KIAA0319: variants seen among roughly 807,000 people sequenced by gnomAD.
KIAA0319 encodes the protein dyslexia-associated protein KIAA0319.
KIAA0319 carries 83 observed loss-of-function variants against 108.4 expected under a neutral mutation model. The observed-to-expected ratio is 0.77, with a 90% CI of 0.64 to 0.92. The LOEUF (loss-of-function observed/expected upper bound fraction) is 0.92, where lower values mean the gene tolerates loss of function less well. KIAA0319 is among the 40% of genes least tolerant of loss of function. The probability of loss-of-function intolerance (pLI) is 0.00; values close to 1 mark genes in which losing one functional copy is unlikely to be tolerated. For missense variants in KIAA0319, 1,195 were observed against 1,322.4 expected (o/e 0.90, Z 1.49); for synonymous variants, 484 against 510.4 (o/e 0.95, Z 0.70).
chr6:24,628,070 T>C (rs1005750216), intron 1 of KIAA0319, among the ~76,000 whole-genome samples: 9 of 152,186 alleles, frequency 5.9e-5, no homozygotes, highest in Non-Finnish European at 1.2e-4. Context: ...CAAGCACACG[T>C]AGTGCTGGAA....
rs925334510 is a variant in KIAA0319 at position 24,646,141 on chromosome 6, A to C, written c.-511T>G. 6.6e-6 allele frequency: 1 copy of C among 152,036 alleles called. No homozygotes were observed. Among genetic ancestry groups the C allele is most frequent in the African/African-American group, 2.4e-5 (1 of 41,368 alleles). The allele number at this position is 152,036 out of a possible 1,614,324, so 9.4% of individuals were successfully genotyped here. A position where few individuals can be genotyped will look rare whatever the true frequency, so the allele number is the denominator to read the frequency against. On this transcript the variant is annotated 5_prime_UTR_variant, in exon 1 of 21. Transcript: ENST00000378214. The stretch of plus-strand genomic sequence containing the variant: ...TTGCACCCCCGGGGGATCCCCGCCC[A>C]CCGCCCGCGGCAGCTTCTGCAGGCT...
intron 2 of KIAA0319, among the ~76,000 whole-genome samples, chr6:24,596,976 C>T (rs1769738149): frequency 6.6e-6 from 1 of 151,956 alleles, no homozygotes; most frequent in African/African-American, 2.4e-5. Flanking sequence ...TCCATCCACC[C>T]TCCCATCCAT....
chr6:24,610,013 G>C lies in KIAA0319; in HGVS notation c.-105-8805C>G, dbSNP rs1198270293. Among the ~76,000 whole-genome samples the C allele has an allele frequency of 2.0e-5, 3 of 152,112 alleles. No individual in the cohort carries two copies. In the East Asian group the frequency reaches 5.8e-4, roughly 29 times the overall value. ...AGAAAACATGGGTGTAAATCTTCAT[G>C]AACTTTGATTATGCAATGGTTTCTT... On this transcript the variant is annotated intron_variant, in intron 1 of 20. Coordinates refer to ENST00000378214, the MANE Select transcript of KIAA0319 (RefSeq NM_014809.4).
chr6:24,589,156 T>C (rs1562008194), intron 3 of KIAA0319, among the ~76,000 whole-genome samples: 1 of 152,158 alleles, frequency 6.6e-6, no homozygotes, highest in Admixed American at 6.5e-5. Flanking sequence ...TGTGATAGTA[T>C]TTGGAGGTAG....
At chr6:24,556,941 C>T (rs73388241) in intron 17 of KIAA0319, among the ~76,000 whole-genome samples, 6,851 of 152,208 alleles carry the variant, frequency 0.045, 442 homozygotes, top group African/African-American at 0.14. Context: ...GTCCACACCA[C>T]GCAGCAAAAG....
At chr6:24,615,704 T>TA (rs1215306417) in intron 1 of KIAA0319, among the ~76,000 whole-genome samples, 7 of 152,246 alleles carry the variant, frequency 4.6e-5, no homozygotes, top group African/African-American at 1.7e-4. Flanking sequence ...CTTTAACACT[T>TA]ACAGCTCTTC....
rs1303802567 is a variant in KIAA0319, at chr6:24,567,719, A to G, written c.2141-971T>C. 4.6e-5 allele frequency among the ~76,000 whole-genome samples: 7 copies of G among 152,284 alleles called. No individual in the cohort carries two copies. In the East Asian group the frequency reaches 9.6e-4, roughly 21 times the overall value. On this transcript the variant is annotated intron_variant, in intron 13 of 20. Transcript: ENST00000378214. Reference sequence around the variant, plus strand: ...CTGGGTCTATTTTAAAAATAAAAAAATGAGGCAATGTAAAAGCCATTTCTG... The same window carrying G: ...CTGGGTCTATTTTAAAAATAAAAAAGTGAGGCAATGTAAAAGCCATTTCTG...
chr6:24,594,392 G>A (rs1253985165), intron 3 of KIAA0319, among the ~76,000 whole-genome samples: 2 of 151,712 alleles, frequency 1.3e-5, no homozygotes, highest in African/African-American at 2.4e-5. Flanking sequence ...TTGGGAGGCC[G>A]AGGTGGGGGT....
At chr6:24,595,334 C>A (rs1004870010) in intron 3 of KIAA0319, among the ~76,000 whole-genome samples, 2 of 143,880 alleles carry the variant, frequency 1.4e-5, no homozygotes, top group Non-Finnish European at 2.9e-5. Flanking sequence ...ATCATGAGGT[C>A]AGGAGATCTA....
At chr6:24,636,821 A>G (rs564509543) in intron 1 of KIAA0319, among the ~76,000 whole-genome samples, 55 of 150,782 alleles carry the variant, frequency 3.6e-4, no homozygotes, top group Non-Finnish European at 4.0e-4. Context: ...TTTCTCAGAG[A>G]TTATTGTTCT....
chr6:24,624,366 C>G (rs1328052578), intron 1 of KIAA0319, among the ~76,000 whole-genome samples: 1 of 151,894 alleles, frequency 6.6e-6, no homozygotes, highest in East Asian at 1.9e-4. Context: ...CACAAACTAT[C>G]TATCAAACAT....
intron 13 of KIAA0319, among the ~76,000 whole-genome samples, chr6:24,567,626 A>G (rs1764085167): frequency 6.6e-6 from 1 of 152,196 alleles, no homozygotes; most frequent in South Asian, 2.1e-4. Context: ...ACTTGAGATC[A>G]GGAGTTTGAG....
chr6:24,613,771 T>A (rs909844822), intron 1 of KIAA0319, among the ~76,000 whole-genome samples: 2 of 152,200 alleles, frequency 1.3e-5, no homozygotes, highest in Non-Finnish European at 2.9e-5. Context: ...TTTTTTTGCA[T>A]TGAGCAACCT....
chr6:24,639,920 G>A (rs536020359), intron 1 of KIAA0319, among the ~76,000 whole-genome samples: 1 of 151,250 alleles, frequency 6.6e-6, no homozygotes, highest in East Asian at 1.9e-4. Context: ...CTAGCATGTT[G>A]GTAAATAATA....
chr6:24,612,328 G>A (rs1333295159), intron 1 of KIAA0319, among the ~76,000 whole-genome samples: 1 of 151,974 alleles, frequency 6.6e-6, no homozygotes, highest in African/African-American at 2.4e-5. Flanking sequence ...GGCACCACCT[G>A]TAATGCCAGC....
intron 4 of KIAA0319, among the ~76,000 whole-genome samples, chr6:24,585,640 A>G (rs1374234795): frequency 2.0e-5 from 3 of 152,214 alleles, no homozygotes; most frequent in African/African-American, 7.2e-5. Flanking sequence ...TTGTGTATTC[A>G]GTGAAAGACT....
intron 2 of KIAA0319, chr6:24,598,301 A>G: frequency 1.5e-6 from 1 of 662,722 alleles, no homozygotes; most frequent in African/African-American, 1.8e-5. Context: ...ATGTGCACCC[A>G]GGAGAAGGAG....
At chr6:24,570,493 C>T (rs807522) in intron 11 of KIAA0319, among the ~76,000 whole-genome samples, 14,057 of 151,700 alleles carry the variant, frequency 0.093, 664 homozygotes, top group African/African-American at 0.11. Context: ...GAGGCTGAGG[C>T]AGGAGAATGG....
chr6:24,576,761 T>C (rs1204807710), intron 9 of KIAA0319, among the ~76,000 whole-genome samples, 165 bp from the exon 10 acceptor site: 1 of 150,058 alleles, frequency 6.7e-6, no homozygotes, highest in Non-Finnish European at 1.5e-5. Context: ...CTCTATTTAA[T>C]TAAAAAAAAA....
Sources: allele counts gnomAD v4.1 joint callset (sites outside exome capture counted in the v4.1 genomes callset), GRCh38; gene constraint gnomAD v4.1.1; transcripts MANE v1.5; gene names NCBI Gene and HGNC (gene_info 2026-07-23, HGNC 2026-07-21).